The following AKAP6 variants were observed in gnomAD, a reference collection of about 807,000 sequenced individuals.
AKAP6 encodes the protein A-kinase anchoring protein 6.
A neutral mutation model predicts 188.5 loss-of-function variants in AKAP6; 58 were observed. The observed-to-expected ratio is 0.31, with a 90% CI of 0.25 to 0.38. The LOEUF is 0.38. Among genes scored for constraint, AKAP6 ranks in the 10% least tolerant of loss-of-function variants. The pLI is 1.00. For missense variants in AKAP6, 2,710 were observed against 2,740.0 expected, an observed-to-expected ratio of 0.99 and a Z score of 0.24; for synonymous variants, 989 against 998.6, an observed-to-expected ratio of 0.99 and a Z score of 0.18.
intron 1 of AKAP6, among the ~76,000 whole-genome samples, chr14:32,357,224 T>C (rs1887513095): frequency 6.6e-6 from 1 of 152,176 alleles, no homozygotes; most frequent in African/African-American, 2.4e-5. Flanking sequence ...AATTAATGAG[T>C]CTCTTCCATT....
At chr14:32,634,784 C>T (rs968203528) in intron 7 of AKAP6, among the ~76,000 whole-genome samples, 4 of 151,890 alleles carry the variant, frequency 2.6e-5, no homozygotes, top group African/African-American at 4.8e-5. Flanking sequence ...CCTAAATAGA[C>T]CTAAAATTTG....
intron 2 of AKAP6, among the ~76,000 whole-genome samples, chr14:32,487,399 T>C (rs1390148218): frequency 1.3e-5 from 2 of 152,088 alleles, no homozygotes; most frequent in Non-Finnish European, 2.9e-5. Context: ...ATCAGGTCAT[T>C]TATGTTTTTC....
At chr14:32,792,025 C>A (rs1221350206) in intron 12 of AKAP6, among the ~76,000 whole-genome samples, 1 of 152,106 alleles carries the variant, frequency 6.6e-6, no homozygotes, top group Non-Finnish European at 1.5e-5. Flanking sequence ...TTACTGTAGC[C>A]TTGTAGTATA....
At chr14:32,629,219 G>A (rs1887150493) in intron 7 of AKAP6, among the ~76,000 whole-genome samples, 1 of 151,932 alleles carries the variant, frequency 6.6e-6, no homozygotes, top group Non-Finnish European at 1.5e-5. Context: ...TAAGTTGGTT[G>A]GCTGCCATTT....
chr14:32,449,178 T>C (rs1890850930), intron 2 of AKAP6, among the ~76,000 whole-genome samples: 2 of 152,120 alleles, frequency 1.3e-5, no homozygotes, highest in African/African-American at 4.8e-5. Flanking sequence ...ATTAATGTCA[T>C]TGGGAGAAGT....
intron 2 of AKAP6, among the ~76,000 whole-genome samples, chr14:32,470,013 CAT>C (rs1205759037): frequency 6.6e-6 from 1 of 152,104 alleles, no homozygotes; most frequent in African/African-American, 2.4e-5. Flanking sequence ...AGTGGTAAAA[CAT>C]CAAGTCTTCT....
At chr14:32,717,121 T>C (rs1311334591) in intron 9 of AKAP6, among the ~76,000 whole-genome samples, 5 of 152,006 alleles carry the variant, frequency 3.3e-5, no homozygotes, top group African/African-American at 9.7e-5. Context: ...GAAGTAACAG[T>C]TGCAGGATTG....
intron 11 of AKAP6, among the ~76,000 whole-genome samples, chr14:32,750,541 G>A (rs2032084329): frequency 6.6e-6 from 1 of 151,380 alleles, no homozygotes; most frequent in African/African-American, 2.4e-5. Flanking sequence ...GGGCAACATA[G>A]TAAGACCCCA....
chr14:32,474,368 C>T (rs1298037343), intron 2 of AKAP6: 1 of 131,670 alleles, frequency 7.6e-6, no homozygotes, highest in African/African-American at 2.9e-5. Flanking sequence ...CCCCTCAAAT[C>T]TTCCTAGACC....
At chr14:32,407,796 A>T (rs1889345446) in intron 1 of AKAP6, among the ~76,000 whole-genome samples, 1 of 152,120 alleles carries the variant, frequency 6.6e-6, no homozygotes, top group South Asian at 2.1e-4. Flanking sequence ...AAACCATACA[A>T]AATCCCCACG....
At chr14:32,618,775 G>C (rs991123355) in intron 7 of AKAP6, among the ~76,000 whole-genome samples, 1 of 152,172 alleles carries the variant, frequency 6.6e-6, no homozygotes, top group Non-Finnish European at 1.5e-5. Flanking sequence ...TCTCCATGCT[G>C]TTTTCCACAG....
intron 1 of AKAP6, among the ~76,000 whole-genome samples, chr14:32,376,985 G>T (rs1217224550): frequency 1.3e-5 from 2 of 152,282 alleles, no homozygotes; most frequent in South Asian, 4.2e-4. Flanking sequence ...ATGAGCCACC[G>T]CGCCCAGCCT....
At chr14:32,807,893 T>A (rs906598067) in intron 12 of AKAP6, among the ~76,000 whole-genome samples, 5 of 152,380 alleles carry the variant, frequency 3.3e-5, no homozygotes, top group African/African-American at 9.6e-5. Context: ...TGGGCCTGAC[T>A]TGTCCCTTTG....
chr14:32,528,297 A>G (rs999383681), intron 2 of AKAP6, among the ~76,000 whole-genome samples: 1 of 149,580 alleles, frequency 6.7e-6, no homozygotes, highest in South Asian at 2.1e-4. Flanking sequence ...TAGGCTGTCT[A>G]GTAGGTCTAC....
intron 1 of AKAP6, among the ~76,000 whole-genome samples, chr14:32,390,866 A>G (rs539473689): frequency 6.6e-6 from 1 of 152,168 alleles, no homozygotes; most frequent in Non-Finnish European, 1.5e-5. Context: ...AAGCCTCCAT[A>G]TGCTGCTCTG....
At chr14:32,594,918 C>G (rs1885630264) in intron 5 of AKAP6, among the ~76,000 whole-genome samples, 1 of 152,164 alleles carries the variant, frequency 6.6e-6, no homozygotes, top group Non-Finnish European at 1.5e-5. Context: ...TTTGGAGACT[C>G]CTGACTAATA....
At chr14:32,560,560 A>G (rs993457055) in intron 4 of AKAP6, among the ~76,000 whole-genome samples, 1 of 152,208 alleles carries the variant, frequency 6.6e-6, no homozygotes, top group African/African-American at 2.4e-5. Context: ...CAAGGTGAAA[A>G]TAGTTCTTTG....
At chr14:32,413,175 A>ATTTCTTTTTT (rs1491566130) in intron 1 of AKAP6, among the ~76,000 whole-genome samples, 5 of 60,476 alleles carry the variant, frequency 8.3e-5, no homozygotes, top group African/African-American at 2.2e-4. Context: ...ATTTATTGAA[A>ATTTCTTTTTT]TTTTTTTTTT....
intron 1 of AKAP6, among the ~76,000 whole-genome samples, chr14:32,338,119 T>G (rs1886774640): frequency 6.6e-6 from 1 of 152,200 alleles, no homozygotes; most frequent in African/African-American, 2.4e-5. Flanking sequence ...TTGCTTTAGT[T>G]AATATCATTT....
Sources: gnomAD v4.1 joint callset for allele counts (sites outside exome capture counted in the v4.1 genomes callset) on GRCh38, gnomAD v4.1.1 for gene constraint, MANE v1.5 for transcripts, NCBI Gene and HGNC (gene_info 2026-07-23, HGNC 2026-07-21) for gene names.